MEOX2: variants seen among roughly 807,000 people sequenced by gnomAD.
The protein encoded by MEOX2 is homeobox protein MOX-2.
Under a neutral mutation model 27.0 loss-of-function variants are expected in MEOX2, and 11 were observed. The ratio of observed to expected loss-of-function variants is 0.41; its 90% CI spans 0.26 to 0.68. The LOEUF (loss-of-function observed/expected upper bound fraction) is 0.68, where lower values mean the gene tolerates loss of function less well. MEOX2 is among the 30% of genes least tolerant of loss of function. The probability of loss-of-function intolerance (pLI) is 0.33; values close to 1 mark genes in which losing one functional copy is unlikely to be tolerated. For missense variants in MEOX2, 436 were observed against 385.4 expected (o/e 1.13, Z -1.10); for synonymous variants, 189 against 155.4 (o/e 1.22, Z -1.61).
chr7:15,636,917 C>A (rs1315223534), intron 1 of MEOX2, among the ~76,000 whole-genome samples: 2 of 151,948 alleles, frequency 1.3e-5, no homozygotes, highest in Non-Finnish European at 2.9e-5. Flanking sequence ...TTAATCCATT[C>A]ATGGGAGTGA....
At chr7:15,620,580 G>A (rs992000509) in intron 2 of MEOX2, among the ~76,000 whole-genome samples, 9 of 149,536 alleles carry the variant, frequency 6.0e-5, no homozygotes, top group Admixed American at 6.6e-5. Context: ...CAACAAAAAA[G>A]CAAAACAAAA....
chr7:15,626,598 T>G (rs77215700), intron 2 of MEOX2, 148 bp downstream of exon 2: 10,636 of 489,158 alleles, frequency 0.022, 917 homozygotes, highest in African/African-American at 0.19. Flanking sequence ...TTTTGTTATT[T>G]TGCTGGCAAA....
chr7:15,651,952 A>T (rs1309856456), intron 1 of MEOX2, among the ~76,000 whole-genome samples: 1 of 152,004 alleles, frequency 6.6e-6, no homozygotes, highest in African/African-American at 2.4e-5. Flanking sequence ...GAATGTTAAC[A>T]AGCATATCCT....
At chr7:15,629,340 C>G (rs1243264970) in intron 1 of MEOX2, among the ~76,000 whole-genome samples, 1 of 151,946 alleles carries the variant, frequency 6.6e-6, no homozygotes, top group Non-Finnish European at 1.5e-5. Flanking sequence ...TAGAAATATA[C>G]AACAGGAGGT....
chr7:15,683,452 G>A (rs1562618965), intron 1 of MEOX2, among the ~76,000 whole-genome samples: 1 of 151,868 alleles, frequency 6.6e-6, no homozygotes, highest in Non-Finnish European at 1.5e-5. Context: ...TAGAAATATT[G>A]AAATACTAAA....
intron 1 of MEOX2, among the ~76,000 whole-genome samples, chr7:15,631,130 A>G (rs1274239668): frequency 6.6e-6 from 1 of 151,936 alleles, no homozygotes; most frequent in East Asian, 1.9e-4. Flanking sequence ...TTTGATAGCT[A>G]TAATAATACA....
At chr7:15,626,242 G>C (rs559430824) in intron 2 of MEOX2, among the ~76,000 whole-genome samples, 19 of 152,266 alleles carry the variant, frequency 1.2e-4, no homozygotes, top group African/African-American at 4.1e-4. Flanking sequence ...GGGTCTGTGA[G>C]TGATTATCTG....
chr7:15,679,957 A>G (rs944945725), intron 1 of MEOX2: 2 of 151,926 alleles, frequency 1.3e-5, no homozygotes, highest in African/African-American at 4.8e-5. Context: ...TACAGTGCAC[A>G]ATTAGTAGTG....
At chr7:15,665,633 C>CTTATTGA (rs1781991001) in intron 1 of MEOX2, among the ~76,000 whole-genome samples, 1 of 152,176 alleles carries the variant, frequency 6.6e-6, no homozygotes, top group Non-Finnish European at 1.5e-5. Context: ...AGGTCAGATA[C>CTTATTGA]TGAGATCTCA....
chr7:15,666,159 T>C (rs1782001348), intron 1 of MEOX2, among the ~76,000 whole-genome samples: 1 of 152,142 alleles, frequency 6.6e-6, no homozygotes, highest in Non-Finnish European at 1.5e-5. Flanking sequence ...TCACATAACT[T>C]GTTTCATAAT....
At chr7:15,613,896 C>T (rs1465220485) in intron 2 of MEOX2, among the ~76,000 whole-genome samples, 1 of 151,728 alleles carries the variant, frequency 6.6e-6, no homozygotes, top group African/African-American at 2.4e-5. Flanking sequence ...CATTTGTGTC[C>T]TGATAAGCAT....
intron 1 of MEOX2, among the ~76,000 whole-genome samples, chr7:15,630,411 C>T (rs1280873352): frequency 6.6e-6 from 1 of 152,000 alleles, no homozygotes; most frequent in Admixed American, 6.6e-5. Flanking sequence ...GGTCTGTTCA[C>T]TAGTGGCACA....
intron 1 of MEOX2, among the ~76,000 whole-genome samples, chr7:15,673,219 T>G (rs894711941): frequency 5.9e-5 from 9 of 152,202 alleles, no homozygotes; most frequent in Middle Eastern, 3.4e-3. Flanking sequence ...CTGATCCAAG[T>G]AAAAAACCAG....
At chr7:15,629,285 A>G in intron 1 of MEOX2, among the ~76,000 whole-genome samples, 1 of 152,060 alleles carries the variant, frequency 6.6e-6, no homozygotes, top group East Asian at 1.9e-4. Context: ...CAATTCTCAG[A>G]AGGACACTCA....
chr7:15,683,651 C>A (rs1562619055), intron 1 of MEOX2, among the ~76,000 whole-genome samples: 1 of 152,076 alleles, frequency 6.6e-6, no homozygotes, highest in Non-Finnish European at 1.5e-5. Flanking sequence ...ATCTCAATAT[C>A]TGACAAATAT....
At chr7:15,676,382 A>C (rs1782192308) in intron 1 of MEOX2, among the ~76,000 whole-genome samples, 1 of 152,178 alleles carries the variant, frequency 6.6e-6, no homozygotes, top group African/African-American at 2.4e-5. Flanking sequence ...TGGAACTGCT[A>C]AAAATAACAG....
At chr7:15,665,629 G>T (rs1202201929) in intron 1 of MEOX2, among the ~76,000 whole-genome samples, 2 of 152,122 alleles carry the variant, frequency 1.3e-5, no homozygotes, top group Non-Finnish European at 2.9e-5. Context: ...ATGCAGGTCA[G>T]ATACTGAGAT....
intron 2 of MEOX2, 71 bp from the exon 3 acceptor site, chr7:15,612,682 T>C: frequency 7.7e-7 from 1 of 1,306,188 alleles, no homozygotes; most frequent in Middle Eastern, 1.9e-4. Context: ...TTCTCCTTAG[T>C]GTCATCAATG....
intron 1 of MEOX2, among the ~76,000 whole-genome samples, chr7:15,631,238 A>T (rs530237898): frequency 4.6e-5 from 7 of 152,010 alleles, no homozygotes; most frequent in African/African-American, 1.7e-4. Flanking sequence ...ATGCAAAAAA[A>T]AAAAATCATT....
Sources: allele counts gnomAD v4.1 joint callset (sites outside exome capture counted in the v4.1 genomes callset), GRCh38; gene constraint gnomAD v4.1.1; transcripts MANE v1.5; gene names NCBI Gene and HGNC (gene_info 2026-07-23, HGNC 2026-07-21).